The following DAB1 variants were observed in gnomAD, a reference collection of about 807,000 sequenced individuals.
The protein encoded by DAB1 is disabled homolog 1.
A neutral mutation model predicts 64.6 loss-of-function variants in DAB1; 15 were observed. The ratio of observed to expected loss-of-function variants is 0.23; its 90% CI spans 0.16 to 0.36. DAB1 has a LOEUF of 0.36. Ranked by LOEUF, DAB1 falls within the 10% of genes least tolerant of loss-of-function variation. The pLI, the probability that DAB1 is intolerant of heterozygous loss-of-function variation, is 1.00. For synonymous variants in DAB1, 235 were observed against 251.9 expected (o/e 0.93, Z 0.64); for missense variants, 596 against 706.7 (o/e 0.84, Z 1.78).
At chr1:57,242,089 A>G (rs1668535776) in intron 2 of DAB1, among the ~76,000 whole-genome samples, 1 of 152,172 alleles carries the variant, frequency 6.6e-6, no homozygotes, top group Non-Finnish European at 1.5e-5. Context: ...GACTTTTTCT[A>G]TATATTATAT....
At chr1:56,999,859 CT>C (rs1645778014) in intron 14 of DAB1, among the ~76,000 whole-genome samples, 1 of 152,118 alleles carries the variant, frequency 6.6e-6, no homozygotes, top group East Asian at 1.9e-4. Context: ...TGGAGGCACC[CT>C]ATTATGCAGT....
At chr1:57,496,925 C>T (rs1022783824) in intron 7 of DAB1, among the ~76,000 whole-genome samples, 2 of 152,288 alleles carry the variant, frequency 1.3e-5, no homozygotes, top group East Asian at 1.9e-4. Flanking sequence ...TGGTGATATG[C>T]CCCTGCCCTC....
chr1:57,547,367 A>C (rs569483324), intron 7 of DAB1, among the ~76,000 whole-genome samples: 3 of 152,220 alleles, frequency 2.0e-5, no homozygotes, highest in Non-Finnish European at 4.4e-5. Flanking sequence ...TTTTAATTTG[A>C]ATCTCTTTAG....
At chr1:58,164,752 A>C (rs944164927) in intron 4 of DAB1, among the ~76,000 whole-genome samples, 1 of 152,148 alleles carries the variant, frequency 6.6e-6, no homozygotes, top group Non-Finnish European at 1.5e-5. Flanking sequence ...GAATAAAACA[A>C]AAAGGAAGAG....
chr1:57,719,351 T>G (rs3118020), intron 6 of DAB1, among the ~76,000 whole-genome samples: 49,214 of 152,080 alleles, frequency 0.32, 10,472 homozygotes, highest in African/African-American at 0.6. Context: ...GGTTTGTACG[T>G]TTAAAAGAGA....
At chr1:57,044,632 G>T (rs1204587975) in intron 9 of DAB1, among the ~76,000 whole-genome samples, 1 of 152,154 alleles carries the variant, frequency 6.6e-6, no homozygotes, top group Non-Finnish European at 1.5e-5. Flanking sequence ...GATACCAAAA[G>T]CAGAAAGTGT....
chr1:57,812,250 C>A (rs1431809347), intron 6 of DAB1, among the ~76,000 whole-genome samples: 1 of 143,534 alleles, frequency 7.0e-6, no homozygotes, highest in Non-Finnish European at 1.5e-5. Flanking sequence ...CTTCTGGAAA[C>A]AGCTCTCAAG....
At chr1:58,189,511 G>C (rs1017572393) in intron 4 of DAB1, among the ~76,000 whole-genome samples, 1 of 152,154 alleles carries the variant, frequency 6.6e-6, no homozygotes, top group African/African-American at 2.4e-5. Context: ...GGTTTAACCA[G>C]ACACCTCCGA....
chr1:57,736,579 G>A (rs1264116344), intron 6 of DAB1, among the ~76,000 whole-genome samples: 2 of 152,144 alleles, frequency 1.3e-5, no homozygotes, highest in Non-Finnish European at 2.9e-5. Flanking sequence ...ACTGTAAAGT[G>A]TGAATAATAA....
intron 6 of DAB1, among the ~76,000 whole-genome samples, chr1:57,761,629 C>T (rs1649091096): frequency 1.3e-5 from 2 of 152,228 alleles, no homozygotes; most frequent in African/African-American, 4.8e-5. Flanking sequence ...TCCCCCTCCC[C>T]TCTAAATACG....
At chr1:57,585,721 C>T (rs1329495729) in intron 7 of DAB1, among the ~76,000 whole-genome samples, 1 of 152,154 alleles carries the variant, frequency 6.6e-6, no homozygotes, top group Non-Finnish European at 1.5e-5. Context: ...TCCCACCTCC[C>T]CATTCATCCA....
intron 2 of DAB1, among the ~76,000 whole-genome samples, chr1:57,188,294 G>A (rs1474143928): frequency 6.6e-6 from 1 of 152,074 alleles, no homozygotes; most frequent in East Asian, 1.9e-4. Context: ...CCACTTTAAA[G>A]AATTGACTAT....
intron 5 of DAB1, among the ~76,000 whole-genome samples, chr1:57,901,353 C>T (rs551083144): frequency 2.0e-5 from 3 of 152,086 alleles, no homozygotes; most frequent in Admixed American, 6.6e-5. Flanking sequence ...TGTTCATTAG[C>T]GAGCTCCCCC....
intron 4 of DAB1, among the ~76,000 whole-genome samples, chr1:57,103,723 G>C (rs543153330): frequency 6.6e-6 from 1 of 152,232 alleles, no homozygotes; most frequent in South Asian, 2.1e-4. Flanking sequence ...CCACCAAAAA[G>C]CTTTAAGTGG....
intron 5 of DAB1, among the ~76,000 whole-genome samples, chr1:58,105,010 C>T (rs1387623150): frequency 2.0e-5 from 3 of 152,148 alleles, no homozygotes; most frequent in Non-Finnish European, 1.5e-5. Flanking sequence ...ATTCCCATCG[C>T]TATGTCTGAA....
At chr1:58,226,817 A>C (rs2100339959) in intron 4 of DAB1, among the ~76,000 whole-genome samples, 1 of 152,276 alleles carries the variant, frequency 6.6e-6, no homozygotes, top group East Asian at 1.9e-4. Flanking sequence ...TAGGTTTTGG[A>C]TTTGAACCCA....
chr1:57,452,159 AC>A (rs773463305), intron 7 of DAB1, among the ~76,000 whole-genome samples: 5 of 122,702 alleles, frequency 4.1e-5, no homozygotes, highest in Non-Finnish European at 6.5e-5. Context: ...CTCTCTCTGC[AC>A]CCCCCCTTTT....
intron 1 of DAB1, among the ~76,000 whole-genome samples, chr1:57,359,409 T>C (rs973571562): frequency 6.6e-6 from 1 of 151,996 alleles, no homozygotes; most frequent in Non-Finnish European, 1.5e-5. Flanking sequence ...CTACCCCAGT[T>C]AGAATGTCTG....
chr1:57,373,519 T>C (rs1680662355), intron 1 of DAB1, among the ~76,000 whole-genome samples: 1 of 152,054 alleles, frequency 6.6e-6, no homozygotes, highest in Non-Finnish European at 1.5e-5. Context: ...TAATGGGAAA[T>C]AAAAGAGAAT....
Sources: gnomAD v4.1 joint callset for allele counts (sites outside exome capture counted in the v4.1 genomes callset) on GRCh38, gnomAD v4.1.1 for gene constraint, MANE v1.5 for transcripts, NCBI Gene and HGNC (gene_info 2026-07-23, HGNC 2026-07-21) for gene names.